SOX5: variants seen among roughly 807,000 people sequenced by gnomAD.
SOX5 encodes the protein transcription factor SOX-5.
In SOX5, 9 loss-of-function variants were observed where a neutral mutation model predicts 92.0. The observed-to-expected ratio is 0.10, with a 90% confidence interval of 0.06 to 0.17. The LOEUF is 0.17. Among genes scored for constraint, SOX5 ranks in the 10% least tolerant of loss-of-function variants. The probability of loss-of-function intolerance (pLI) is 1.00; values close to 1 mark genes in which losing one functional copy is unlikely to be tolerated. For synonymous variants in SOX5, 344 were observed against 336.3 expected (o/e 1.02, Z -0.25); for missense variants, 642 against 944.5 (o/e 0.68, Z 4.20).
rs536315298 is a variant in SOX5, at chr12:23,675,290, A to T, written c.811-9726T>A. ...GTTTGCTCTTCCCCAAAAGACTTAC[A>T]ATTTTTTTCTGGCCAAGAGACCTTT... On this transcript the variant is annotated intron_variant, in intron 6 of 14. Coordinates refer to ENST00000451604, the MANE Select transcript of SOX5 (RefSeq NM_006940.6). Among the ~76,000 whole-genome samples the T allele has an allele frequency of 5.9e-5, 9 of 152,144 alleles. No individual in the cohort carries two copies. In the South Asian group the frequency reaches 1.9e-3, roughly 31 times the overall value.
chr12:23,635,743 C>T (rs1228172185), intron 8 of SOX5, among the ~76,000 whole-genome samples: 2 of 151,906 alleles, frequency 1.3e-5, no homozygotes, highest in African/African-American at 2.4e-5. Flanking sequence ...TTGAAAGGGG[C>T]AAGATCAAGA....
chr12:23,711,154 C>CT (rs2092010804), intron 6 of SOX5, among the ~76,000 whole-genome samples: 1 of 152,074 alleles, frequency 6.6e-6, no homozygotes, highest in South Asian at 2.1e-4. Flanking sequence ...TCTATGTTGC[C>CT]TTTTTTTCTG....
At chr12:23,893,156 G>A (rs1473901492) in intron 2 of SOX5, among the ~76,000 whole-genome samples, 2 of 152,104 alleles carry the variant, frequency 1.3e-5, no homozygotes, top group African/African-American at 4.8e-5. Flanking sequence ...ATTAAAAATG[G>A]AATGGTTTTG....
chr12:24,314,655 T>C lies in SOX5; in HGVS notation c.-173-37343A>G, dbSNP rs10842321. ...AGGAAAAAGTCCTTACAATGCCCTA[T>C]GCGGCCTAAATAATCTGGCCTCCAA... On this transcript the variant is annotated intron_variant, in intron 2 of 4. Transcript: ENST00000446891. 0.041 allele frequency among the ~76,000 whole-genome samples: 6,277 copies of C among 152,318 alleles called. 627 individuals are homozygous for C. The East Asian group carries it at 0.45, about 11-fold the overall frequency.
chr12:24,502,910 C>T (rs1948362691), intron 1 of SOX5, among the ~76,000 whole-genome samples: 1 of 152,042 alleles, frequency 6.6e-6, no homozygotes, highest in Non-Finnish European at 1.5e-5. Flanking sequence ...AAACCCAAAC[C>T]CAGAGGCATT....
At chr12:23,838,522 G>A (rs1362378332) in intron 3 of SOX5, among the ~76,000 whole-genome samples, 1 of 151,904 alleles carries the variant, frequency 6.6e-6, no homozygotes, top group East Asian at 1.9e-4. Flanking sequence ...TTACCTTTCT[G>A]AAACTAACAC....
At chr12:24,058,151 A>T (rs1435950209) in intron 4 of SOX5, among the ~76,000 whole-genome samples, 1 of 152,232 alleles carries the variant, frequency 6.6e-6, no homozygotes, top group Non-Finnish European at 1.5e-5. Context: ...ATTAAATCTG[A>T]CCTACCTCTT....
intron 2 of SOX5, among the ~76,000 whole-genome samples, chr12:24,303,727 TTC>T (rs1948254510): frequency 6.6e-6 from 1 of 152,148 alleles, no homozygotes; most frequent in Non-Finnish European, 1.5e-5. Context: ...TTCTCCTGTG[TTC>T]TGTTTGTAGA....
intron 1 of SOX5, among the ~76,000 whole-genome samples, chr12:24,382,166 A>C (rs1957890156): frequency 6.6e-6 from 1 of 152,228 alleles, no homozygotes; most frequent in Non-Finnish European, 1.5e-5. Context: ...GGAAGTGCTA[A>C]GGAGAAAAAT....
intron 4 of SOX5, among the ~76,000 whole-genome samples, chr12:24,196,918 A>G (rs1013168398): frequency 4.3e-4 from 66 of 152,120 alleles, no homozygotes; most frequent in Admixed American, 4.3e-3. Flanking sequence ...ACAAAAAACA[A>G]AAACAAAAAC....
intron 4 of SOX5, among the ~76,000 whole-genome samples, chr12:24,150,028 T>A (rs926476647): frequency 6.6e-6 from 1 of 152,138 alleles, no homozygotes; most frequent in Non-Finnish European, 1.5e-5. Flanking sequence ...GAGAAAACTT[T>A]TAGGGGTGAA....
intron 4 of SOX5, among the ~76,000 whole-genome samples, chr12:24,039,254 AT>A (rs1297239182): frequency 6.6e-6 from 1 of 152,152 alleles, no homozygotes; most frequent in South Asian, 2.1e-4. Flanking sequence ...GGAGATGATG[AT>A]TTGATGGTTT....
intron 1 of SOX5, among the ~76,000 whole-genome samples, chr12:24,422,910 C>G (rs1315197610): frequency 1.3e-5 from 2 of 152,144 alleles, no homozygotes; most frequent in Non-Finnish European, 2.9e-5. Context: ...ACTCAGGAGG[C>G]TGAGGTAGAA....
chr12:24,308,574 T>C (rs1312643918), intron 2 of SOX5, among the ~76,000 whole-genome samples: 1 of 152,236 alleles, frequency 6.6e-6, no homozygotes, highest in Non-Finnish European at 1.5e-5. Context: ...TACTTTGTGG[T>C]ACCACGTGAC....
chr12:23,788,267 A>G (rs971231644), intron 3 of SOX5, among the ~76,000 whole-genome samples: 1 of 152,028 alleles, frequency 6.6e-6, no homozygotes, highest in Non-Finnish European at 1.5e-5. Context: ...CCTAAGGTTT[A>G]GTACAATTGC....
At chr12:23,770,394 C>T (rs2141518311) in intron 3 of SOX5, among the ~76,000 whole-genome samples, 1 of 152,110 alleles carries the variant, frequency 6.6e-6, no homozygotes, top group African/African-American at 2.4e-5. Context: ...TTTTATATGA[C>T]CTCAGCAATT....
intron 13 of SOX5, among the ~76,000 whole-genome samples, chr12:23,538,210 G>A (rs1941048183): frequency 6.6e-6 from 1 of 152,122 alleles, no homozygotes; most frequent in African/African-American, 2.4e-5. Context: ...CATGTAAAGA[G>A]TTCCTCAATA....
At chr12:24,315,368 G>C (rs1949601234) in intron 2 of SOX5, among the ~76,000 whole-genome samples, 1 of 149,272 alleles carries the variant, frequency 6.7e-6, no homozygotes, top group African/African-American at 2.4e-5. Context: ...TTGTACTTTA[G>C]TAAAAAGAAA....
chr12:24,190,948 AT>A (rs936663693), intron 4 of SOX5, among the ~76,000 whole-genome samples: 1 of 152,208 alleles, frequency 6.6e-6, no homozygotes, highest in African/African-American at 2.4e-5. Context: ...TTAAGATAAA[AT>A]TTAAAAAAAA....
Sources: allele counts gnomAD v4.1 joint callset (sites outside exome capture counted in the v4.1 genomes callset), GRCh38; gene constraint gnomAD v4.1.1; transcripts MANE v1.5; gene names NCBI Gene and HGNC (gene_info 2026-07-23, HGNC 2026-07-21).